Variants in CPLANE1 observed in about 807,000 individuals in gnomAD.
CPLANE1 encodes the protein ciliogenesis and planar polarity effector complex subunit 1, also known as ciliogenesis and planar polarity effector 1.
In CPLANE1, 263 loss-of-function variants were observed where a neutral mutation model predicts 362.5. That is an observed-to-expected ratio of 0.73 (90% CI 0.66 to 0.80). CPLANE1 has a LOEUF of 0.80. CPLANE1 is among the 30% of genes least tolerant of loss of function. CPLANE1 has a pLI of 0.00. For missense variants in CPLANE1, 3,461 were observed against 3,793.4 expected (o/e 0.91, Z 2.30); for synonymous variants, 1,212 against 1,302.6 (o/e 0.93, Z 1.50).
the CPLANE1 span, chr5:37,085,016 A>T: frequency 6.6e-6 from 4 of 604,614 alleles, no homozygotes; most frequent in Non-Finnish European, 1.2e-5. Flanking sequence ...ATTCTTACAC[A>T]CACCGGAAGA....
chr5:37,201,931 A>C, intron 18 of CPLANE1, 123 bp from the exon 19 acceptor site: 1 of 640,716 alleles, frequency 1.6e-6, no homozygotes, highest in East Asian at 2.7e-5. Flanking sequence ...TGGTTGACAT[A>C]CAAACATCCA....
At chr5:37,154,729 C>T (rs1356728149) in intron 41 of CPLANE1, among the ~76,000 whole-genome samples, 5 of 152,156 alleles carry the variant, frequency 3.3e-5, no homozygotes, top group African/African-American at 1.2e-4. Flanking sequence ...AGCCTCAACT[C>T]ACTTCTCTAC....
chr5:37,157,291 G>A, intron 41 of CPLANE1, 22 bp downstream of exon 41: 10 of 1,296,036 alleles, frequency 7.7e-6, no homozygotes, highest in Non-Finnish European at 1.0e-5. Context: ...AGAGGGTCAT[G>A]CTATACCTCT....
chr5:37,107,875 A>T lies in CPLANE1; in HGVS notation c.9580-97T>A, dbSNP rs936942567. On this transcript the variant is annotated intron_variant, in intron 52 of 52. Coordinates refer to ENST00000651892, the MANE Select transcript of CPLANE1 (RefSeq NM_001384732.1). ...GGAACGTGAACTAAGCTTTCCAAAA[A>T]TTCTAGAGTTGCTCATCCATCAAAA... 10 of 1,446,580 alleles carry T rather than the reference A, an allele frequency of 6.9e-6. No homozygotes were observed. In the African/African-American group the frequency reaches 1.3e-4, roughly 19 times the overall value. The allele number at this position is 1,446,580 out of a possible 1,614,324, so 89.6% of individuals were successfully genotyped here.
At chr5:37,134,972 T>C (rs934123563) in intron 46 of CPLANE1, among the ~76,000 whole-genome samples, 1 of 151,736 alleles carries the variant, frequency 6.6e-6, no homozygotes, top group Non-Finnish European at 1.5e-5. Flanking sequence ...TTTGTATTTT[T>C]AGTAGAGATG....
At chr5:37,170,557 G>A (rs959940560) in intron 32 of CPLANE1, among the ~76,000 whole-genome samples, 3 of 151,696 alleles carry the variant, frequency 2.0e-5, no homozygotes, top group African/African-American at 7.3e-5. Flanking sequence ...ACTCACTTGC[G>A]AATGAAACTT....
At chr5:37,153,133 T>A (rs914733954) in intron 42 of CPLANE1, among the ~76,000 whole-genome samples, 3 of 152,162 alleles carry the variant, frequency 2.0e-5, no homozygotes, top group African/African-American at 7.2e-5. Context: ...CCTTTTTGTA[T>A]GGGAGGACCC....
Position 37,226,339 on chromosome 5 carries a change from A to C in CPLANE1, c.2256T>G (p.Pro752=). ...WSWNSFFKIH[P]QVVNPVQQPG... ...GCTGTTGCACAGGATTTACTACTTG[A>C]GGATGAATCTTGAAAAATGAGTTCC... The change falls in exon 12 of 53, where the codon CCT becomes CCG. Residue 752 remains proline (P), a synonymous_variant. Coordinates refer to ENST00000651892, the MANE Select transcript of CPLANE1 (RefSeq NM_001384732.1). 1.3e-6 allele frequency: 2 copies of C among 1,540,896 alleles called. No individual in the cohort carries two copies. The highest frequency in any genetic ancestry group is 4.9e-5 in the East Asian group (2 of 40,816).
intron 16 of CPLANE1, chr5:37,210,337 C>A: frequency 1.5e-6 from 2 of 1,300,566 alleles, no homozygotes; most frequent in Non-Finnish European, 2.2e-6. Flanking sequence ...AAAAGTATGA[C>A]TGAGGCACTT....
At chr5:37,168,261 T>A (rs192375093) in intron 34 of CPLANE1, among the ~76,000 whole-genome samples, 1 of 152,332 alleles carries the variant, frequency 6.6e-6, no homozygotes, top group East Asian at 1.9e-4. Flanking sequence ...CTGTCAAAGA[T>A]TTGAAGATCA....
intron 28 of CPLANE1, 43 bp downstream of exon 28, chr5:37,179,974 A>T: frequency 7.1e-7 from 1 of 1,399,004 alleles, no homozygotes; most frequent in East Asian, 2.5e-5. Context: ...TACCAATTTC[A>T]AATTAATAAA....
chr5:37,163,704 C>T (rs1218753992), intron 37 of CPLANE1, among the ~76,000 whole-genome samples: 1 of 152,094 alleles, frequency 6.6e-6, no homozygotes, highest in Non-Finnish European at 1.5e-5. Flanking sequence ...TTTGATCATA[C>T]CTAAGTTTAT....
chr5:37,245,104 A>G (rs1739106552), intron 4 of CPLANE1, among the ~76,000 whole-genome samples: 2 of 151,638 alleles, frequency 1.3e-5, no homozygotes, highest in Non-Finnish European at 2.9e-5. Context: ...AGATCCCACC[A>G]CTGCACTCCA....
At chr5:37,083,196 G>A in the CPLANE1 span, among the ~76,000 whole-genome samples, 1 of 152,168 alleles carries the variant, frequency 6.6e-6, no homozygotes, top group African/African-American at 2.4e-5. Context: ...CTTCAGCTCG[G>A]CTCTCAGGAA....
In CPLANE1 at chr5:37,106,459, A is replaced by T. The variant is rs1757652463; in HGVS notation, c.*1143T>A. 2 of 340,456 alleles carry T rather than the reference A, an allele frequency of 5.9e-6. No homozygotes were observed. The highest frequency in any genetic ancestry group is 2.4e-4 in the South Asian group (2 of 8,462). 21.1% of individuals were successfully genotyped at this position (340,456 alleles called of 1,614,324 possible). A position where few individuals can be genotyped will look rare whatever the true frequency, so the allele number is the denominator to read the frequency against. On this transcript the variant is annotated 3_prime_UTR_variant, in exon 53 of 53. Transcript: ENST00000651892. ...TCACATGCACCCCATAAAAATGTAC[A>T]ACTATCATGTATCAATAAAATACCC...
chr5:37,235,870 CTTTTTT>C (rs748794675), intron 8 of CPLANE1, among the ~76,000 whole-genome samples: 1 of 119,376 alleles, frequency 8.4e-6, no homozygotes, highest in Non-Finnish European at 1.7e-5. Context: ...GTGCCCAGCA[CTTTTTT>C]TTTTTTTTTT....
At chr5:37,120,143 T>C (rs1390404198) in intron 50 of CPLANE1, 73 bp downstream of exon 50, 4 of 1,469,452 alleles carry the variant, frequency 2.7e-6, no homozygotes, top group African/African-American at 2.9e-5. Context: ...CTTTTACTAA[T>C]GAAAACACAA....
intron 21 of CPLANE1, among the ~76,000 whole-genome samples, chr5:37,192,039 C>T (rs1316282232): frequency 1.3e-5 from 2 of 152,178 alleles, no homozygotes; most frequent in Non-Finnish European, 2.9e-5. Flanking sequence ...GCAAAAACTT[C>T]CAGTCCTGTA....
intron 25 of CPLANE1, among the ~76,000 whole-genome samples, chr5:37,184,471 CTATT>C (rs1783458544): frequency 6.6e-6 from 1 of 151,986 alleles, no homozygotes; most frequent in Non-Finnish European, 1.5e-5. Context: ...TAACCTCAAA[CTATT>C]TAAGTCTAAA....
Sources: allele counts gnomAD v4.1 joint callset (sites outside exome capture counted in the v4.1 genomes callset), GRCh38; gene constraint gnomAD v4.1.1; transcripts MANE v1.5; gene names NCBI Gene and HGNC (gene_info 2026-07-23, HGNC 2026-07-21).